Variants in PDE1C observed in about 807,000 individuals in gnomAD.
PDE1C encodes phosphodiesterase 1C.
In PDE1C, 62 loss-of-function variants were observed where a neutral mutation model predicts 93.1. The ratio of observed to expected loss-of-function variants is 0.67; its 90% CI spans 0.54 to 0.82. PDE1C has a LOEUF of 0.82. PDE1C is among the 40% of genes least tolerant of loss of function. The pLI is 0.00. For missense variants in PDE1C, 742 were observed against 884.6 expected (o/e 0.84, Z 2.04); for synonymous variants, 325 against 310.1 (o/e 1.05, Z -0.50).
At chr7:31,839,738 G>A (rs1791603652) in intron 9 of PDE1C, among the ~76,000 whole-genome samples, 1 of 152,166 alleles carries the variant, frequency 6.6e-6, no homozygotes, top group Non-Finnish European at 1.5e-5. Flanking sequence ...ACAGCTGAGT[G>A]TTTATAAGAA....
At chr7:31,763,995 T>TTA (rs1562755874) in intron 17 of PDE1C, among the ~76,000 whole-genome samples, 6 of 148,430 alleles carry the variant, frequency 4.0e-5, no homozygotes, top group South Asian at 2.1e-4. Flanking sequence ...ATATATATTT[T>TTA]TATATATATA....
intron 1 of PDE1C, among the ~76,000 whole-genome samples, chr7:32,061,711 C>T (rs918388471): frequency 2.0e-5 from 3 of 152,236 alleles, no homozygotes; most frequent in African/African-American, 4.8e-5. Flanking sequence ...GTTTCTGTCT[C>T]TGTTCCAAAC....
chr7:32,344,644 A>G (rs1451302846), intron 1 of PDE1C, among the ~76,000 whole-genome samples: 1 of 151,986 alleles, frequency 6.6e-6, no homozygotes, highest in Non-Finnish European at 1.5e-5. Context: ...ACCTTTATAT[A>G]TGAAACATCT....
At position 31,854,575 on chromosome 7, in the gene PDE1C, C is replaced by T. The variant is rs568157289; in HGVS notation, c.751-3834G>A. Among the ~76,000 whole-genome samples the T allele has an allele frequency of 3.3e-5, 5 of 152,146 alleles. No individual in the cohort carries two copies. The East Asian group carries it at 7.8e-4, about 24-fold the overall frequency. On this transcript the variant is annotated intron_variant, in intron 7 of 17. Coordinates refer to ENST00000396191, the MANE Select transcript of PDE1C (RefSeq NM_001191057.4). ...CTCAAGAAAGCAAGCCACTTGTTCC[C>T]GCATATAGGGGCAGATGAGGAGACA...
the PDE1C span, among the ~76,000 whole-genome samples, chr7:31,666,703 C>T: frequency 6.6e-6 from 1 of 152,064 alleles, no homozygotes; most frequent in Non-Finnish European, 1.5e-5. Context: ...ATACCATCAC[C>T]ACAAAGCAAG....
intron 1 of PDE1C, among the ~76,000 whole-genome samples, chr7:32,372,243 G>A (rs902812016): frequency 3.3e-5 from 5 of 151,934 alleles, no homozygotes; most frequent in Admixed American, 3.3e-4. Flanking sequence ...TAATAGAGAT[G>A]GGGTTTCACC....
intron 2 of PDE1C, among the ~76,000 whole-genome samples, chr7:31,940,822 G>A (rs951962579): frequency 2.6e-5 from 4 of 151,980 alleles, no homozygotes; most frequent in African/African-American, 9.7e-5. Context: ...TTCACTCTGA[G>A]CATCCTGACT....
intron 5 of PDE1C, among the ~76,000 whole-genome samples, chr7:31,875,793 C>CTATATATATATATA (rs71559206): frequency 0.012 from 515 of 42,946 alleles, 53 homozygotes; most frequent in Non-Finnish European, 0.017. Context: ...AAGCTTACAT[C>CTATATATATATATA]TATATATATA....
chr7:31,656,918 A>C, the PDE1C span, among the ~76,000 whole-genome samples: 1 of 151,750 alleles, frequency 6.6e-6, no homozygotes, highest in East Asian at 1.9e-4. Flanking sequence ...TGCTGTCTTC[A>C]GTGCATGATG....
chr7:31,643,024 GAGGTCACC>G, the PDE1C span: 1 of 1,614,008 alleles, frequency 6.2e-7, no homozygotes, highest in South Asian at 1.1e-5. Context: ...TGCTGAGTAT[GAGGTCACC>G]AGACCCACAG....
Position 32,171,938 on chromosome 7 carries a change from G to A in PDE1C, c.137-1982C>T, listed in dbSNP as rs115540282. Reference sequence around the variant, plus strand: ...ACAGATGTACCATGCTAAGGTAAGAGGTTAATAATACAGGAAACTGCGTGT... The same window carrying A: ...ACAGATGTACCATGCTAAGGTAAGAAGTTAATAATACAGGAAACTGCGTGT... On this transcript the variant is annotated intron_variant, in intron 2 of 18. Transcript: ENST00000396193. Among the ~76,000 whole-genome samples, 298 of 148,502 alleles carry A rather than the reference G, an allele frequency of 2.0e-3. 3 individuals carry two copies. Among genetic ancestry groups the A allele is most frequent in the African/African-American group, 7.1e-3 (283 of 39,930 alleles).
At chr7:32,182,239 C>G (rs947236717) in intron 2 of PDE1C, among the ~76,000 whole-genome samples, 16 of 152,194 alleles carry the variant, frequency 1.1e-4, no homozygotes, top group Non-Finnish European at 2.1e-4. Context: ...GAGCTGGTAC[C>G]ATTCCTTCTG....
intron 1 of PDE1C, among the ~76,000 whole-genome samples, chr7:32,414,561 T>A (rs1325111634): frequency 6.6e-6 from 1 of 152,198 alleles, no homozygotes; most frequent in Non-Finnish European, 1.5e-5. Context: ...TAAAAGAGAA[T>A]GAAACCATTT....
At chr7:31,937,242 C>T (rs552058909) in intron 2 of PDE1C, among the ~76,000 whole-genome samples, 8 of 152,172 alleles carry the variant, frequency 5.3e-5, no homozygotes, top group East Asian at 3.9e-4. Context: ...CTCTATAGAA[C>T]GCAAATTCCC....
At chr7:32,070,556 C>T, upstream of PDE1C, 2 of 1,448,080 alleles carry the variant, frequency 1.4e-6, no homozygotes, top group South Asian at 2.9e-5. Flanking sequence ...CGACTTAGAG[C>T]GGACTCCGAT....
At chr7:32,079,367 CAG>C (rs1338747347) in intron 3 of PDE1C, among the ~76,000 whole-genome samples, 1 of 152,194 alleles carries the variant, frequency 6.6e-6, no homozygotes, top group East Asian at 1.9e-4. Flanking sequence ...AAAAGAAAAA[CAG>C]GGTGCAGTGC....
At chr7:31,985,269 G>A (rs1287021784) in intron 2 of PDE1C, among the ~76,000 whole-genome samples, 1 of 152,012 alleles carries the variant, frequency 6.6e-6, no homozygotes, top group African/African-American at 2.4e-5. Context: ...AAGCACTAAA[G>A]GGGTCTACAT....
intron 3 of PDE1C, among the ~76,000 whole-genome samples, chr7:32,096,091 C>G (rs1370819039): frequency 6.6e-6 from 1 of 152,156 alleles, no homozygotes; most frequent in African/African-American, 2.4e-5. Flanking sequence ...TAACTTACTA[C>G]AGCATATTAT....
the PDE1C span, among the ~76,000 whole-genome samples, chr7:31,632,857 G>T: frequency 1.3e-5 from 2 of 152,070 alleles, no homozygotes; most frequent in East Asian, 1.9e-4. Flanking sequence ...GGTCTGGGGA[G>T]ATTTTTATTT....
Sources: allele counts gnomAD v4.1 joint callset (sites outside exome capture counted in the v4.1 genomes callset), GRCh38; gene constraint gnomAD v4.1.1; transcripts MANE v1.5; gene names NCBI Gene and HGNC (gene_info 2026-07-23, HGNC 2026-07-21).